SPTBN4: variants seen among roughly 807,000 people sequenced by gnomAD.
SPTBN4 encodes the protein spectrin beta, non-erythrocytic 4.
A neutral mutation model predicts 277.8 loss-of-function variants in SPTBN4; 96 were observed. That is an observed-to-expected ratio of 0.35 (90% CI 0.29 to 0.41). The LOEUF (loss-of-function observed/expected upper bound fraction) is 0.41, where lower values mean the gene tolerates loss of function less well. SPTBN4 is among the 10% of genes least tolerant of loss of function. The pLI, the probability that SPTBN4 is intolerant of heterozygous loss-of-function variation, is 1.00. For synonymous variants in SPTBN4, 1,481 were observed against 1,580.3 expected, an observed-to-expected ratio of 0.94 and a Z score of 1.49; for missense variants, 3,006 against 3,595.7, an observed-to-expected ratio of 0.84 and a Z score of 4.19.
At chr19:40,522,194 T>C (rs766783923) in intron 16 of SPTBN4, among the ~76,000 whole-genome samples, 4 of 151,328 alleles carry the variant, frequency 2.6e-5, no homozygotes, top group Non-Finnish European at 5.9e-5. Context: ...GCCTGGTTAA[T>C]TTTTTGTATT....
chr19:40,496,610 T>G (rs1171019839), intron 6 of SPTBN4, among the ~76,000 whole-genome samples: 2 of 152,136 alleles, frequency 1.3e-5, no homozygotes, highest in African/African-American at 4.8e-5. Context: ...ATCCCCATTT[T>G]AGAGGAAACC....
intron 17 of SPTBN4, among the ~76,000 whole-genome samples, chr19:40,528,594 G>A (rs776294272): frequency 3.9e-5 from 6 of 151,954 alleles, no homozygotes; most frequent in African/African-American, 9.7e-5. Flanking sequence ...CCTCTCTTTC[G>A]TCGTCTGCTG....
At chr19:40,544,190 C>T (rs1405045011) in intron 20 of SPTBN4, among the ~76,000 whole-genome samples, 3 of 149,666 alleles carry the variant, frequency 2.0e-5, no homozygotes, top group Admixed American at 1.3e-4. Context: ...TTGCCAAAGC[C>T]GGAGCGCAAT....
intron 15 of SPTBN4, among the ~76,000 whole-genome samples, chr19:40,516,479 A>T (rs533392009): frequency 4.5e-4 from 69 of 151,858 alleles, no homozygotes; most frequent in Admixed American, 7.9e-4. Context: ...ATTAAAAAAA[A>T]TTTTTTTTGT....
chr19:40,475,237 T>C (rs913592430), intron 2 of SPTBN4, among the ~76,000 whole-genome samples: 5 of 152,110 alleles, frequency 3.3e-5, no homozygotes, highest in Non-Finnish European at 7.3e-5. Context: ...TGGAACGTCA[T>C]AATCATAAGC....
chr19:40,566,118 G>GGCCCCAGAT lies in SPTBN4; in HGVS notation c.6140-36_6140-28dup, dbSNP rs1173453036. 2.8e-6 allele frequency: 4 copies of GGCCCCAGAT among 1,452,886 alleles called. No individual in the cohort carries two copies. The African/African-American group carries it at 5.7e-5, about 21-fold the overall frequency. 90.0% of individuals were successfully genotyped at this position (1,452,886 alleles called of 1,614,324 possible). The stretch of plus-strand genomic sequence containing the variant: ...GGGAACAGCCATTGCCCCCAGGAAG[G>GGCCCCAGAT]GCCCCAGATGCCCCAGAATCCTTAC... On this transcript the variant is annotated intron_variant, in intron 29 of 35. Transcript: ENST00000598249.
At chr19:40,497,455 G>A in intron 6 of SPTBN4, 34 bp from the exon 7 acceptor site, 4 of 1,545,142 alleles carry the variant, frequency 2.6e-6, no homozygotes, top group Non-Finnish European at 2.7e-6. Context: ...TCTGGAGCCT[G>A]CCTGCTGCCT....
In SPTBN4 at chr19:40,487,758, C is replaced by A; in HGVS notation, c.231C>A (p.Arg77=). ...AGTGGGTGAACTCGCACCTCGCCCG[C>A]GTGGGCTGCCACATCGGGGACCTCT... ...FTKWVNSHLA[R]VGCHIGDLYV... Residue 77 remains arginine (R), a synonymous_variant, in exon 3 of 36, where the codon CGC becomes CGA. Transcript: ENST00000598249. The A allele has an allele frequency of 6.2e-7, 1 of 1,613,584 alleles. No homozygotes were observed. The highest frequency in any genetic ancestry group is 1.1e-5 in the South Asian group (1 of 90,996).
At chr19:40,523,783 A>C in intron 17 of SPTBN4, 144 bp downstream of exon 17, 1 of 795,266 alleles carries the variant, frequency 1.3e-6, no homozygotes, top group Non-Finnish European at 1.9e-6. Flanking sequence ...ATTTAATTCC[A>C]TGTTGTCTTA....
Position 40,565,692 on chromosome 19 carries a change from G to A in SPTBN4, c.6086G>A (p.Arg2029Lys). ...IQAQLDKLGT[R>K]KEEVSEKWDR... is the part of the protein sequence containing the mutation. ...GCACAGCTGGACAAGCTGGGAACCA[G>A]GAAGGAGGAGGTGTCGGAAAAGTGG... The change falls in exon 29 of 36, where the codon AGG (arginine) becomes AAG (lysine). Residue 2029 changes from arginine (R) to lysine (K), a missense_variant. Arg to Lys is a conservative substitution (Grantham distance 26). Coordinates refer to ENST00000598249, the MANE Select transcript of SPTBN4 (RefSeq NM_020971.3). The A allele has an allele frequency of 6.4e-7, 1 of 1,555,032 alleles. No homozygotes were observed. The highest frequency in any genetic ancestry group is 1.2e-5 in the South Asian group (1 of 84,588).
At chr19:40,535,361 G>GT (rs1185711226) in intron 20 of SPTBN4, among the ~76,000 whole-genome samples, 2 of 151,966 alleles carry the variant, frequency 1.3e-5, no homozygotes, top group Non-Finnish European at 2.9e-5. Flanking sequence ...TCTGGCCCAC[G>GT]TGACTCCTGC....
intron 24 of SPTBN4, among the ~76,000 whole-genome samples, chr19:40,555,657 G>A (rs774913945): frequency 1.3e-5 from 2 of 151,740 alleles, no homozygotes; most frequent in Non-Finnish European, 2.9e-5. Context: ...AGGTGTAGTG[G>A]CTCACACCTG....
At chr19:40,562,559 G>A (rs533491809) in intron 27 of SPTBN4, among the ~76,000 whole-genome samples, 2 of 146,120 alleles carry the variant, frequency 1.4e-5, no homozygotes, top group African/African-American at 5.1e-5. Flanking sequence ...AAAAGGCTGG[G>A]CACAGTGGCT....
chr19:40,523,410 C>A (rs1275562504), intron 16 of SPTBN4, 27 bp from the exon 17 acceptor site: 15 of 1,566,780 alleles, frequency 9.6e-6, no homozygotes, highest in Non-Finnish European at 1.1e-5. Context: ...TGAGGCTGAC[C>A]TTTGCACCAC....
chr19:40,508,347 G>T (rs992043663), intron 13 of SPTBN4, among the ~76,000 whole-genome samples: 1 of 152,188 alleles, frequency 6.6e-6, no homozygotes. Flanking sequence ...GGGTTTGGTG[G>T]CTCTTTACAC....
At chr19:40,574,111 CAAACAAACA>C (rs1225552792) in intron 35 of SPTBN4, among the ~76,000 whole-genome samples, 2 of 140,196 alleles carry the variant, frequency 1.4e-5, no homozygotes, top group Non-Finnish European at 3.2e-5. Context: ...CAAAACAAAA[CAAACAAACA>C]AAACAAAACA....
chr19:40,561,559 C>T lies in SPTBN4; in HGVS notation c.5915+1156C>T, dbSNP rs147132748. Among the ~76,000 whole-genome samples the T allele has an allele frequency of 4.4e-3, 673 of 152,270 alleles. 6 individuals are homozygous for T. The highest frequency in any genetic ancestry group is 0.016 in the African/African-American group (653 of 41,558). On this transcript the variant is annotated intron_variant, in intron 27 of 35. Transcript: ENST00000598249. ...CATGGGGATGGGGCACAGTGGCTCACGCCTGTAATCCCAGCACTTTGGGAG... is the reference window on the plus strand; with the variant it reads ...CATGGGGATGGGGCACAGTGGCTCATGCCTGTAATCCCAGCACTTTGGGAG...
chr19:40,504,098 T>C lies in SPTBN4; in HGVS notation c.1631T>C (p.Met544Thr), dbSNP rs1392595794. The change falls in exon 12 of 36, where the codon ATG becomes ACG. Residue 544 changes from methionine to threonine, a missense_variant. Physicochemically the swap from Met to Thr is moderately conservative, Grantham distance 81. Around this residue, in one of 5 missense-constraint regions of SPTBN4, gnomAD observed 1,759 missense variants for 2,061.5 expected, o/e 0.85. Transcript: ENST00000598249. ...GCCCTGCAGAAGGTCTTCCAGGAGA[T>C]GGTGTACATGGTGGACTGGATGGAG... Reference protein sequence around the residue: ...NLALQKVFQEMVYMVDWMEEM... With the variant: ...NLALQKVFQETVYMVDWMEEM... 6.9e-7 allele frequency: 1 copy of C among 1,439,584 alleles called. No individual in the cohort carries two copies. The highest frequency in any genetic ancestry group is 9.3e-7 in the Non-Finnish European group (1 of 1,078,036). The allele number at this position is 1,439,584 out of a possible 1,614,324, so 89.2% of individuals were successfully genotyped here.
At chr19:40,480,995 G>T (rs562304767) in intron 2 of SPTBN4, among the ~76,000 whole-genome samples, 1 of 152,244 alleles carries the variant, frequency 6.6e-6, no homozygotes, top group East Asian at 1.9e-4. Context: ...AACCCAGGAG[G>T]TGGAGGTTGC....
Sources: gnomAD v4.1 joint callset for allele counts (sites outside exome capture counted in the v4.1 genomes callset) on GRCh38, gnomAD v4.1.1 for gene constraint, gnomAD v4.1.1 regional missense constraint, MANE v1.5 for transcripts, NCBI Gene and HGNC (gene_info 2026-07-23, HGNC 2026-07-21) for gene names.